The following NXPH2 variants were observed in gnomAD, a reference collection of about 807,000 sequenced individuals.
The protein encoded by NXPH2 is neurexophilin-2.
NXPH2 carries 5 observed loss-of-function variants against 19.8 expected under a neutral mutation model. The ratio of observed to expected loss-of-function variants is 0.25; its 90% confidence interval spans 0.13 to 0.53. The LOEUF (loss-of-function observed/expected upper bound fraction) is 0.53, where lower values mean the gene tolerates loss of function less well. Ranked by LOEUF, NXPH2 falls within the 20% of genes least tolerant of loss-of-function variation. NXPH2 has a pLI of 0.96. For missense variants in NXPH2, 289 were observed against 322.8 expected, an observed-to-expected ratio of 0.90 and a Z score of 0.80; for synonymous variants, 154 against 127.4, an observed-to-expected ratio of 1.21 and a Z score of -1.41.
intron 1 of NXPH2, among the ~76,000 whole-genome samples, chr2:138,762,380 C>T (rs1358440303): frequency 3.3e-5 from 5 of 152,136 alleles, no homozygotes; most frequent in African/African-American, 4.8e-5. Context: ...ATTCAAAGAT[C>T]ACAGCCCTTG....
chr2:138,719,498 T>C (rs2104992731), intron 1 of NXPH2, among the ~76,000 whole-genome samples: 1 of 152,320 alleles, frequency 6.6e-6, no homozygotes, highest in Admixed American at 6.5e-5. Context: ...TTTCATACTT[T>C]TTAATTACAA....
intron 1 of NXPH2, among the ~76,000 whole-genome samples, chr2:138,747,397 C>G (rs1046460141): frequency 1.3e-5 from 2 of 152,100 alleles, no homozygotes; most frequent in Non-Finnish European, 1.5e-5. Flanking sequence ...TGTGCTTTGA[C>G]ACTAACTGGA....
chr2:138,673,995 T>C (rs1027458945), intron 1 of NXPH2, among the ~76,000 whole-genome samples: 1 of 152,108 alleles, frequency 6.6e-6, no homozygotes, highest in Non-Finnish European at 1.5e-5. Flanking sequence ...ACTATTTATT[T>C]ATTTTTAGAG....
At chr2:138,711,516 A>G (rs1226342945) in intron 1 of NXPH2, among the ~76,000 whole-genome samples, 2 of 152,078 alleles carry the variant, frequency 1.3e-5, no homozygotes, top group African/African-American at 2.4e-5. Flanking sequence ...TCTCATGACA[A>G]CAGCTTGCAA....
intron 1 of NXPH2, among the ~76,000 whole-genome samples, chr2:138,729,340 C>T (rs1397631889): frequency 1.3e-5 from 2 of 152,162 alleles, no homozygotes; most frequent in Admixed American, 6.5e-5. Flanking sequence ...TTACTGGGCT[C>T]TCATTCTTCT....
chr2:138,684,624 C>A (rs1049815696), intron 1 of NXPH2, among the ~76,000 whole-genome samples: 1 of 152,156 alleles, frequency 6.6e-6, no homozygotes, highest in Non-Finnish European at 1.5e-5. Flanking sequence ...AAATCAGGGT[C>A]AATTTTATCT....
rs181767436 is a variant in NXPH2 at position 138,693,259 on chromosome 2, C to T, written c.52-21594G>A. On this transcript the variant is annotated intron_variant, in intron 1 of 1. Transcript: ENST00000272641. ...CCCCCATTTCCTTACCGACTACACA[C>T]TTACAAGAGAGAACTTGCTGTTACG... 1.9e-3 allele frequency among the ~76,000 whole-genome samples: 288 copies of T among 152,262 alleles called. 1 individual carries two copies. The highest frequency in any genetic ancestry group is 1.4e-3 in the Non-Finnish European group (97 of 68,016).
intron 1 of NXPH2, among the ~76,000 whole-genome samples, chr2:138,729,593 A>G (rs1681414913): frequency 6.6e-6 from 1 of 152,232 alleles, no homozygotes; most frequent in Non-Finnish European, 1.5e-5. Context: ...TGCTGCATTT[A>G]GAACACAATC....
chr2:138,750,514 G>C (rs148429239), intron 1 of NXPH2, among the ~76,000 whole-genome samples: 1,588 of 152,246 alleles, frequency 0.01, 16 homozygotes, highest in Middle Eastern at 0.078. Flanking sequence ...AAGTAGAGCT[G>C]TAAATGTGAA....
At chr2:138,729,807 C>A (rs990003649) in intron 1 of NXPH2, among the ~76,000 whole-genome samples, 3 of 152,214 alleles carry the variant, frequency 2.0e-5, no homozygotes, top group Non-Finnish European at 2.9e-5. Flanking sequence ...ACACTCCTCT[C>A]TTTAAGGGCT....
chr2:138,729,186 A>C (rs778538732), intron 1 of NXPH2, among the ~76,000 whole-genome samples: 3 of 152,130 alleles, frequency 2.0e-5, no homozygotes, highest in African/African-American at 4.8e-5. Context: ...CTCATCTTGA[A>C]TTGTAGTTCC....
chr2:138,703,236 ATAATATT>A (rs1680958981), intron 1 of NXPH2, among the ~76,000 whole-genome samples: 1 of 152,194 alleles, frequency 6.6e-6, no homozygotes. Context: ...TATGGAATGC[ATAATATT>A]TAATGCTTCA....
chr2:138,739,930 T>C (rs557727649), intron 1 of NXPH2, among the ~76,000 whole-genome samples: 1 of 152,222 alleles, frequency 6.6e-6, no homozygotes, highest in Non-Finnish European at 1.5e-5. Context: ...GATACAGTTC[T>C]TGACCCTGGA....
Position 138,671,294 on chromosome 2 carries a change from G to A in NXPH2, c.423C>T (p.Thr141=), listed in dbSNP as rs747136776. ...TGKIVDHGNG[T]FSVYFRHNST... is the part of the protein sequence containing the mutation. ...AATTATGTCGGAAATACACACTGAA[G>A]GTTCCATTTCCATGGTCAACAATTT... Residue 141 remains threonine (T), a synonymous_variant, in exon 2 of 2, where the codon ACC becomes ACT. Transcript: ENST00000272641. The A allele has an allele frequency of 5.6e-6, 9 of 1,613,800 alleles. No homozygotes were observed. The highest frequency in any genetic ancestry group is 7.6e-6 in the Non-Finnish European group (9 of 1,179,800).
Position 138,756,592 on chromosome 2 carries a change from C to T in NXPH2, c.51+23599G>A, listed in dbSNP as rs1330784239. Among the ~76,000 whole-genome samples, 5 of 152,024 alleles carry T rather than the reference C, an allele frequency of 3.3e-5. No homozygotes were observed. In the East Asian group the frequency reaches 5.8e-4, roughly 18 times the overall value. ...AAGAAAATCTCTTGCTCTTGGGAAACAATTTTTATCAATCCACAATAATAA... is the reference window on the plus strand; with the variant it reads ...AAGAAAATCTCTTGCTCTTGGGAAATAATTTTTATCAATCCACAATAATAA... On this transcript the variant is annotated intron_variant, in intron 1 of 1. Transcript: ENST00000272641.
chr2:138,772,602 G>C (rs902032985), intron 1 of NXPH2, among the ~76,000 whole-genome samples: 2 of 152,148 alleles, frequency 1.3e-5, no homozygotes, highest in Non-Finnish European at 2.9e-5. Context: ...CGGCCCATGA[G>C]GTTAAATTCT....
intron 1 of NXPH2, among the ~76,000 whole-genome samples, chr2:138,760,028 C>T (rs545595428): frequency 2.0e-5 from 3 of 152,174 alleles, no homozygotes; most frequent in Admixed American, 6.5e-5. Flanking sequence ...AGAGCCCGGC[C>T]GCCACCCTTT....
At chr2:138,729,633 C>T (rs1470716743) in intron 1 of NXPH2, among the ~76,000 whole-genome samples, 2 of 152,188 alleles carry the variant, frequency 1.3e-5, no homozygotes, top group East Asian at 3.8e-4. Flanking sequence ...AAAATGTTCT[C>T]AAATCACGAA....
At chr2:138,709,304 T>A (rs1430868044) in intron 1 of NXPH2, among the ~76,000 whole-genome samples, 1 of 152,208 alleles carries the variant, frequency 6.6e-6, no homozygotes, top group Non-Finnish European at 1.5e-5. Context: ...TCTCTTTTTA[T>A]AATTTTATTT....
Sources: gnomAD v4.1 joint callset for allele counts (sites outside exome capture counted in the v4.1 genomes callset) on GRCh38, gnomAD v4.1.1 for gene constraint, MANE v1.5 for transcripts, NCBI Gene and HGNC (gene_info 2026-07-23, HGNC 2026-07-21) for gene names.